Variants in SLC22A24 observed in about 807,000 individuals in gnomAD.
SLC22A24 encodes the protein steroid transmembrane transporter SLC22A24.
In SLC22A24, 53 loss-of-function variants were observed where a neutral mutation model predicts 49.8. The ratio of observed to expected loss-of-function variants is 1.06; its 90% CI spans 0.85 to 1.34. SLC22A24 has a LOEUF of 1.34. Among genes scored for constraint, SLC22A24 ranks in the 40% most tolerant of loss-of-function variants. SLC22A24 has a pLI of 0.00. For missense variants in SLC22A24, 786 were observed against 675.9 expected (o/e 1.16, Z -1.81); for synonymous variants, 302 against 256.4 (o/e 1.18, Z -1.70).
rs1237854119 is a variant in SLC22A24, at chr11:63,134,763, G to T, written c.408C>A (p.Asp136Glu). The part of the protein sequence containing the change: ...SFLSTIVTEW[D>E]LVCESQSLKS... ...TTAGTGACTGAGATTCACATACCAG[G>T]TCCCACTGGAAGAGAAAGAAAGCAG... is the stretch of plus-strand genomic sequence containing the variant. Residue 136 changes from aspartate (D) to glutamate (E), a missense_variant, in exon 2 of 10, where the codon GAC becomes GAA. Physicochemically the swap from Asp to Glu is conservative, Grantham distance 45. Transcript: ENST00000612278. 3 of 1,571,600 alleles carry T rather than the reference G, an allele frequency of 1.9e-6. No homozygotes were observed. Among genetic ancestry groups the T allele is most frequent in the Non-Finnish European group, 2.6e-6 (3 of 1,156,192 alleles).
chr11:63,108,494 T>A (rs2087137831), intron 4 of SLC22A24, among the ~76,000 whole-genome samples: 1 of 152,136 alleles, frequency 6.6e-6, no homozygotes. Context: ...TTATAATAGT[T>A]TCGGAAGGAA....
intron 4 of SLC22A24, among the ~76,000 whole-genome samples, chr11:63,115,288 C>G (rs928827267): frequency 2.0e-5 from 3 of 152,192 alleles, no homozygotes; most frequent in Non-Finnish European, 2.9e-5. Context: ...CCCCTCCCCC[C>G]ATGAGGCTAC....
At chr11:63,123,834 A>G (rs1359540353) in intron 2 of SLC22A24, among the ~76,000 whole-genome samples, 1 of 152,136 alleles carries the variant, frequency 6.6e-6, no homozygotes, top group African/African-American at 2.4e-5. Flanking sequence ...TATCCCTTTA[A>G]TTTACATTCT....
At chr11:63,102,646 CT>C (rs761624225) in intron 5 of SLC22A24, among the ~76,000 whole-genome samples, 5 of 152,148 alleles carry the variant, frequency 3.3e-5, no homozygotes, top group African/African-American at 4.8e-5. Flanking sequence ...ACAAATCTTG[CT>C]GGTGAAAAGC....
At chr11:63,117,641 C>A (rs1385092929) in intron 4 of SLC22A24, among the ~76,000 whole-genome samples, 1 of 152,192 alleles carries the variant, frequency 6.6e-6, no homozygotes, top group Non-Finnish European at 1.5e-5. Flanking sequence ...GTATGATAAT[C>A]CATTTCCACT....
intron 2 of SLC22A24, among the ~76,000 whole-genome samples, chr11:63,133,688 C>A (rs1461487891): frequency 6.6e-6 from 1 of 151,938 alleles, no homozygotes; most frequent in Admixed American, 6.6e-5. Context: ...GTTGCCCAGG[C>A]CAGAGTACAG....
intron 2 of SLC22A24, among the ~76,000 whole-genome samples, chr11:63,126,129 A>G (rs1230854769): frequency 6.6e-6 from 1 of 152,068 alleles, no homozygotes; most frequent in Non-Finnish European, 1.5e-5. Flanking sequence ...CTCTAATGGT[A>G]GTTTCTTTTG....
At chr11:63,131,071 G>C (rs1590749166) in intron 2 of SLC22A24, among the ~76,000 whole-genome samples, 1 of 151,966 alleles carries the variant, frequency 6.6e-6, no homozygotes, top group Admixed American at 6.6e-5. Context: ...TTTAAAGTCT[G>C]TTTTATCAGA....
At chr11:63,083,811 C>T (rs546085457) in intron 6 of SLC22A24, among the ~76,000 whole-genome samples, 2 of 152,266 alleles carry the variant, frequency 1.3e-5, no homozygotes, top group South Asian at 4.2e-4. Context: ...CATCAGTCAA[C>T]TGGATGATAT....
At chr11:63,136,880 A>T (rs983926293) in intron 1 of SLC22A24, among the ~76,000 whole-genome samples, 29 of 152,302 alleles carry the variant, frequency 1.9e-4, no homozygotes, top group Middle Eastern at 3.4e-3. Flanking sequence ...AATCCAATGT[A>T]CATGGGTTTA....
At chr11:63,117,759 C>A (rs919960776) in intron 4 of SLC22A24, among the ~76,000 whole-genome samples, 1 of 152,224 alleles carries the variant, frequency 6.6e-6, no homozygotes, top group South Asian at 2.1e-4. Context: ...ATATAACACA[C>A]AGAATATGTG....
In SLC22A24 at chr11:63,132,501, T is replaced by A. The variant is rs139835136; in HGVS notation, c.506+2164A>T. ...TCCTTTTTGTTGATGGTGATGCTAT[T>A]CCTTTCTGTTTGTTAGTTTTCATTC... On this transcript the variant is annotated intron_variant, in intron 2 of 9. Coordinates refer to ENST00000612278, the MANE Select transcript of SLC22A24 (RefSeq NM_001136506.2). 5.3e-3 allele frequency among the ~76,000 whole-genome samples: 801 copies of A among 152,236 alleles called. 7 individuals carry two copies. Among genetic ancestry groups the A allele is most frequent in the Non-Finnish European group, 6.5e-3 (441 of 68,008 alleles).
chr11:63,081,170 A>G (rs747696747), intron 8 of SLC22A24, 47 bp from the exon 9 acceptor site: 2 of 1,453,212 alleles, frequency 1.4e-6, no homozygotes, highest in South Asian at 1.2e-5. Context: ...GAATCTGTAC[A>G]TGTCAGCTCT....
At chr11:63,100,225 G>T (rs2087082302) in intron 5 of SLC22A24, among the ~76,000 whole-genome samples, 1 of 152,012 alleles carries the variant, frequency 6.6e-6, no homozygotes, top group South Asian at 2.1e-4. Flanking sequence ...TAGTAAAGTT[G>T]CAAGATACAA....
intron 6 of SLC22A24, among the ~76,000 whole-genome samples, chr11:63,085,351 T>C (rs1013189756): frequency 6.6e-6 from 1 of 152,192 alleles, no homozygotes; most frequent in Non-Finnish European, 1.5e-5. Flanking sequence ...AAGGCCTCCA[T>C]TATCTTGGTC....
intron 2 of SLC22A24, among the ~76,000 whole-genome samples, chr11:63,129,015 C>A (rs555718528): frequency 6.6e-6 from 1 of 152,148 alleles, no homozygotes. Flanking sequence ...GCTTTTGTTG[C>A]CATTGTTTTG....
At chr11:63,141,681 C>T (rs931610183) in intron 1 of SLC22A24, among the ~76,000 whole-genome samples, 1 of 152,196 alleles carries the variant, frequency 6.6e-6, no homozygotes, top group Non-Finnish European at 1.5e-5. Context: ...AGGGTTCAAA[C>T]CCATGGCTGG....
chr11:63,111,124 T>C (rs965119540), intron 4 of SLC22A24, among the ~76,000 whole-genome samples: 1 of 152,092 alleles, frequency 6.6e-6, no homozygotes, highest in Admixed American at 6.6e-5. Flanking sequence ...TTTTTGTCTT[T>C]GGTTCTTTTT....
rs76492890 is a variant in SLC22A24, at chr11:63,081,915, A to G, written c.1286-249T>C. Among the ~76,000 whole-genome samples, 1,340 of 152,310 alleles carry G rather than the reference A, an allele frequency of 8.8e-3. 29 individuals carry two copies. Among genetic ancestry groups the G allele is most frequent in the African/African-American group, 0.031 (1,274 of 41,562 alleles). On this transcript the variant is annotated intron_variant, in intron 7 of 9. Transcript: ENST00000612278. Reference sequence around the variant, plus strand: ...CTTTCTGCACATTTGAGTATTGCCAATTAAGGTGGGGGTAGGGACCAACAG... The same window carrying G: ...CTTTCTGCACATTTGAGTATTGCCAGTTAAGGTGGGGGTAGGGACCAACAG...
Sources: allele counts gnomAD v4.1 joint callset (sites outside exome capture counted in the v4.1 genomes callset), GRCh38; gene constraint gnomAD v4.1.1; transcripts MANE v1.5; gene names NCBI Gene and HGNC (gene_info 2026-07-23, HGNC 2026-07-21).